Variants in SRGAP2C observed in about 807,000 individuals in gnomAD.
SRGAP2C encodes the protein SLIT-ROBO Rho GTPase-activating protein 2C.
SRGAP2C carries 15 observed loss-of-function variants against 25.1 expected under a neutral mutation model. The observed-to-expected ratio is 0.60, with a 90% CI of 0.40 to 0.92. The LOEUF (loss-of-function observed/expected upper bound fraction) is 0.92. SRGAP2C is among the 40% of genes least tolerant of loss of function. The pLI, the probability that SRGAP2C is intolerant of heterozygous loss-of-function variation, is 0.00. For missense variants in SRGAP2C, 144 were observed against 264.4 expected (o/e 0.54, Z 3.16); for synonymous variants, 44 against 96.6 (o/e 0.46, Z 3.19).
intron 2 of SRGAP2C, among the ~76,000 whole-genome samples, chr1:121,191,805 G>A: frequency 6.7e-6 from 1 of 148,596 alleles, no homozygotes; most frequent in Non-Finnish European, 1.5e-5. Flanking sequence ...GACAGTTCAT[G>A]CAAATATTCC....
intron 3 of SRGAP2C, among the ~76,000 whole-genome samples, chr1:121,307,962 C>A (rs2101592412): frequency 6.6e-6 from 1 of 151,430 alleles, no homozygotes; most frequent in African/African-American, 2.4e-5. Flanking sequence ...ACTTGCCTTT[C>A]ATGTGTAACC....
At chr1:121,335,460 A>ATTTT (rs1162681731) in intron 4 of SRGAP2C, among the ~76,000 whole-genome samples, 2 of 95,084 alleles carry the variant, frequency 2.1e-5, no homozygotes, top group Admixed American at 1.1e-4. Flanking sequence ...TTTATTTCAG[A>ATTTT]TTTTTTTTTT....
chr1:121,322,067 C>T (rs1444865991), intron 3 of SRGAP2C, among the ~76,000 whole-genome samples: 13 of 149,736 alleles, frequency 8.7e-5, no homozygotes, highest in South Asian at 4.2e-4. Flanking sequence ...AATGTGTGTA[C>T]ATTTGTGGAA....
intron 3 of SRGAP2C, among the ~76,000 whole-genome samples, chr1:121,299,462 C>A (rs1472159705): frequency 1.5e-4 from 13 of 87,954 alleles, no homozygotes; most frequent in African/African-American, 6.6e-4. Context: ...TGTCGTTGCT[C>A]CTTGGGTTTT....
chr1:121,305,158 C>T (rs1310390827), intron 3 of SRGAP2C, among the ~76,000 whole-genome samples: 1 of 151,390 alleles, frequency 6.6e-6, no homozygotes, highest in African/African-American at 2.4e-5. Context: ...TTCTCCTTGC[C>T]ATTCTCCCTG....
chr1:121,297,576 T>C (rs1222821999), intron 3 of SRGAP2C, among the ~76,000 whole-genome samples: 6 of 150,658 alleles, frequency 4.0e-5, no homozygotes, highest in Admixed American at 2.0e-4. Context: ...TGTTTGTGAC[T>C]TAATGGATGC....
At chr1:121,345,783 C>G (rs1384117243) in intron 4 of SRGAP2C, among the ~76,000 whole-genome samples, 1 of 150,644 alleles carries the variant, frequency 6.6e-6, no homozygotes, top group Non-Finnish European at 1.5e-5. Flanking sequence ...TCCTGAGTAG[C>G]TGGGATTATA....
rs1570746422 is a variant in SRGAP2C, at chr1:121,263,073, A to G, written c.68-21730A>G. Among the ~76,000 whole-genome samples, 5 of 152,064 alleles carry G rather than the reference A, an allele frequency of 3.3e-5. No individual in the cohort carries two copies. In the South Asian group the frequency reaches 1.0e-3, roughly 32 times the overall value. ...GCAAACATAGTAATAAGAATTTGAGACTGGGTGTGGTGGCTCATGCCTGTA... is the reference window on the plus strand; with the variant it reads ...GCAAACATAGTAATAAGAATTTGAGGCTGGGTGTGGTGGCTCATGCCTGTA... On this transcript the variant is annotated intron_variant, in intron 2 of 9. Coordinates refer to ENST00000367123, the MANE Select transcript of SRGAP2C (RefSeq NM_001329984.2).
chr1:121,282,450 G>T, intron 2 of SRGAP2C, among the ~76,000 whole-genome samples: 1 of 150,988 alleles, frequency 6.6e-6, no homozygotes, highest in East Asian at 2.0e-4. Context: ...CATTACAGGG[G>T]ACTCAGAGGG....
At chr1:121,307,360 A>G (rs1657863915) in intron 3 of SRGAP2C, among the ~76,000 whole-genome samples, 1 of 151,846 alleles carries the variant, frequency 6.6e-6, no homozygotes, top group South Asian at 2.1e-4. Flanking sequence ...AACCTCACTA[A>G]TGGGTTGAAT....
intron 2 of SRGAP2C, among the ~76,000 whole-genome samples, chr1:121,235,596 G>T (rs1553328371): frequency 2.2e-5 from 1 of 45,302 alleles, no homozygotes; most frequent in Admixed American, 2.1e-4. Context: ...ACCCTAAGCT[G>T]CTTAGCTCAC....
intron 4 of SRGAP2C, among the ~76,000 whole-genome samples, chr1:121,338,512 C>A (rs1241269372): frequency 8.0e-6 from 1 of 125,560 alleles, no homozygotes; most frequent in Non-Finnish European, 1.7e-5. Context: ...CTAGATCCTA[C>A]CTTTCTTTGC....
intron 2 of SRGAP2C, among the ~76,000 whole-genome samples, chr1:121,196,968 T>C (rs587765101): frequency 6.6e-6 from 1 of 151,790 alleles, no homozygotes; most frequent in Admixed American, 6.6e-5. Flanking sequence ...GCTAACATCG[T>C]AGCATAAAAG....
chr1:121,306,857 A>G (rs1657852764), intron 3 of SRGAP2C, among the ~76,000 whole-genome samples: 1 of 152,180 alleles, frequency 6.6e-6, no homozygotes. Flanking sequence ...TTATACTACA[A>G]GCTGGAATAT....
At chr1:121,323,106 AC>A (rs1321860671) in intron 3 of SRGAP2C, among the ~76,000 whole-genome samples, 13 of 151,212 alleles carry the variant, frequency 8.6e-5, no homozygotes, top group Non-Finnish European at 1.6e-4. Flanking sequence ...AATAACACCC[AC>A]CTCATCAGGT....
chr1:121,263,605 A>G (rs1313677577), intron 2 of SRGAP2C, among the ~76,000 whole-genome samples: 1 of 151,722 alleles, frequency 6.6e-6, no homozygotes, highest in East Asian at 1.9e-4. Context: ...CAGGGTCCAG[A>G]ACCTGAGTTC....
At chr1:121,335,887 A>G (rs1658504697) in intron 4 of SRGAP2C, among the ~76,000 whole-genome samples, 1 of 152,078 alleles carries the variant, frequency 6.6e-6, no homozygotes, top group South Asian at 2.1e-4. Flanking sequence ...TATGTCATAG[A>G]AACTCTAGAT....
chr1:121,213,811 G>A (rs587642122), intron 2 of SRGAP2C, among the ~76,000 whole-genome samples: 4 of 82,916 alleles, frequency 4.8e-5, no homozygotes, highest in African/African-American at 2.4e-4. Flanking sequence ...TTGAACCATC[G>A]TCAATTAAAT....
chr1:121,205,859 GATCATAGAA>G (rs1655094384), intron 2 of SRGAP2C, among the ~76,000 whole-genome samples: 1 of 69,686 alleles, frequency 1.4e-5, no homozygotes, highest in Non-Finnish European at 2.8e-5. Context: ...TATTGTCTGT[GATCATAGAA>G]ACCATGGAGA....
Sources: gnomAD v4.1 joint callset for allele counts (sites outside exome capture counted in the v4.1 genomes callset) on GRCh38, gnomAD v4.1.1 for gene constraint, MANE v1.5 for transcripts, NCBI Gene and HGNC (gene_info 2026-07-23, HGNC 2026-07-21) for gene names.